EPHA4: variants seen among roughly 807,000 people sequenced by gnomAD.
EPHA4 encodes ephrin type-A receptor 4.
In EPHA4, 19 loss-of-function variants were observed where a neutral mutation model predicts 108.3. The observed-to-expected ratio is 0.18, with a 90% CI of 0.12 to 0.26. The LOEUF is 0.26. EPHA4 is among the 10% of genes least tolerant of loss of function. EPHA4 has a pLI of 1.00. For missense variants in EPHA4, 917 were observed against 1,254.0 expected (o/e 0.73, Z 4.06); for synonymous variants, 449 against 455.5 (o/e 0.99, Z 0.18).
chr2:221,503,747 T>A (rs548922032), intron 3 of EPHA4, among the ~76,000 whole-genome samples: 7 of 152,372 alleles, frequency 4.6e-5, no homozygotes, highest in Non-Finnish European at 1.0e-4. Context: ...GCAGCCTTGC[T>A]ACCCTTAACA....
intron 11 of EPHA4, among the ~76,000 whole-genome samples, chr2:221,440,424 G>T (rs762366552): frequency 6.6e-6 from 1 of 152,156 alleles, no homozygotes; most frequent in Non-Finnish European, 1.5e-5. Flanking sequence ...ACCTGCAAAA[G>T]TATTTAAAGG....
intron 3 of EPHA4, among the ~76,000 whole-genome samples, chr2:221,534,659 A>G (rs1332671512): frequency 1.3e-5 from 2 of 152,198 alleles, no homozygotes; most frequent in Admixed American, 6.5e-5. Context: ...AAGTCTCAAT[A>G]GTCAATAACT....
At chr2:221,530,341 A>T (rs1693469826) in intron 3 of EPHA4, among the ~76,000 whole-genome samples, 1 of 152,258 alleles carries the variant, frequency 6.6e-6, no homozygotes, top group South Asian at 2.1e-4. Context: ...AGGAAGAGAA[A>T]GGATGTGATC....
chr2:221,545,441 C>G (rs1464546586), intron 3 of EPHA4, among the ~76,000 whole-genome samples: 3 of 152,028 alleles, frequency 2.0e-5, no homozygotes, highest in African/African-American at 7.2e-5. Flanking sequence ...TGCACTCCAG[C>G]CTGGGCGACA....
intron 3 of EPHA4, among the ~76,000 whole-genome samples, chr2:221,545,981 A>G (rs1693984611): frequency 6.6e-6 from 1 of 152,046 alleles, no homozygotes. Flanking sequence ...TTTATACCTC[A>G]TCCCCAGCAG....
intron 3 of EPHA4, among the ~76,000 whole-genome samples, chr2:221,513,201 C>T (rs532932969): frequency 6.6e-6 from 1 of 152,272 alleles, no homozygotes; most frequent in Non-Finnish European, 1.5e-5. Flanking sequence ...AGGGAGAGCA[C>T]AGTCCAATAG....
intron 4 of EPHA4, among the ~76,000 whole-genome samples, chr2:221,494,082 C>G (rs149437150): frequency 8.1e-4 from 124 of 152,266 alleles, no homozygotes; most frequent in African/African-American, 2.5e-3. Flanking sequence ...TTCCCAATCA[C>G]CAGGCTCTAA....
chr2:221,493,234 A>T (rs1030899239), intron 4 of EPHA4, among the ~76,000 whole-genome samples: 2 of 151,866 alleles, frequency 1.3e-5, no homozygotes, highest in East Asian at 1.9e-4. Context: ...TCGGGTAGAT[A>T]AAAAAATATA....
At chr2:221,470,498 C>T (rs1011375744) in intron 5 of EPHA4, among the ~76,000 whole-genome samples, 52 of 151,778 alleles carry the variant, frequency 3.4e-4, no homozygotes, top group African/African-American at 1.1e-3. Context: ...TATTCATGAC[C>T]CATAGAATGC....
chr2:221,434,362 GT>G, intron 13 of EPHA4, 71 bp from the exon 14 acceptor site: 1 of 1,527,682 alleles, frequency 6.5e-7, no homozygotes, highest in Non-Finnish European at 8.9e-7. Context: ...TCTGAATGTA[GT>G]TCCTGCTAGC....
At chr2:221,471,044 T>A (rs1218540940) in intron 5 of EPHA4, among the ~76,000 whole-genome samples, 1 of 152,160 alleles carries the variant, frequency 6.6e-6, no homozygotes, top group African/African-American at 2.4e-5. Context: ...TTTAAATTTC[T>A]ATAGGCATTA....
intron 3 of EPHA4, among the ~76,000 whole-genome samples, chr2:221,513,779 T>C (rs947593868): frequency 1.3e-5 from 2 of 152,204 alleles, no homozygotes; most frequent in Non-Finnish European, 2.9e-5. Flanking sequence ...GGACTAATGA[T>C]TTTACACAAC....
At chr2:221,550,416 GGGGAGAGAGAGAGA>G (rs1021401442) in intron 3 of EPHA4, among the ~76,000 whole-genome samples, 2 of 130,732 alleles carry the variant, frequency 1.5e-5, no homozygotes, top group African/African-American at 3.2e-5. Context: ...GATGAGGAAA[GGGGAGAGAGAGAGA>G]GAGAGAGAGA....
Position 221,418,812 on chromosome 2 carries a change from A to C in EPHA4, c.*2560T>G, listed in dbSNP as rs1229493172. 6.6e-6 allele frequency: 1 copy of C among 152,496 alleles called. No homozygotes were observed. The highest frequency in any genetic ancestry group is 2.4e-5 in the African/African-American group (1 of 41,422). The allele number at this position is 152,496 out of a possible 1,614,324, so 9.4% of individuals were successfully genotyped here. On this transcript the variant is annotated 3_prime_UTR_variant, in exon 18 of 18. Coordinates refer to ENST00000281821, the MANE Select transcript of EPHA4 (RefSeq NM_004438.5). Reference sequence around the variant, plus strand: ...ACCCAGACCCTGAAGTTGGCCTCCTACCCTTACCTCTGGAAAAGATGAACT... The same window carrying C: ...ACCCAGACCCTGAAGTTGGCCTCCTCCCCTTACCTCTGGAAAAGATGAACT...
At chr2:221,475,457 C>T (rs959417652) in intron 5 of EPHA4, among the ~76,000 whole-genome samples, 2 of 152,214 alleles carry the variant, frequency 1.3e-5, no homozygotes, top group Non-Finnish European at 2.9e-5. Context: ...TTACCCATCA[C>T]ATCCTTTGCC....
chr2:221,443,401 T>C, intron 10 of EPHA4, 92 bp downstream of exon 10: 2 of 921,644 alleles, frequency 2.2e-6, no homozygotes, highest in Non-Finnish European at 1.7e-6. Flanking sequence ...ACACATATAA[T>C]ATACTCACAA....
At chr2:221,452,930 C>T (rs895260290) in intron 8 of EPHA4, among the ~76,000 whole-genome samples, 2 of 152,134 alleles carry the variant, frequency 1.3e-5, no homozygotes, top group African/African-American at 4.8e-5. Context: ...CTTGTCTCCC[C>T]GCATTACATT....
At chr2:221,496,787 T>A (rs1574611753) in intron 4 of EPHA4, among the ~76,000 whole-genome samples, 2 of 152,230 alleles carry the variant, frequency 1.3e-5, no homozygotes, top group African/African-American at 4.8e-5. Flanking sequence ...CGTGTGCCTG[T>A]AATCCCAGCT....
At chr2:221,514,291 G>A (rs1386600122) in intron 3 of EPHA4, among the ~76,000 whole-genome samples, 1 of 152,090 alleles carries the variant, frequency 6.6e-6, no homozygotes, top group Admixed American at 6.6e-5. Flanking sequence ...ATCCACAAAA[G>A]GGAACAGAGG....
Sources: allele counts gnomAD v4.1 joint callset (sites outside exome capture counted in the v4.1 genomes callset), GRCh38; gene constraint gnomAD v4.1.1; transcripts MANE v1.5; gene names NCBI Gene and HGNC (gene_info 2026-07-23, HGNC 2026-07-21).